BBS9: variants seen among roughly 807,000 people sequenced by gnomAD.
The protein encoded by BBS9 is protein PTHB1.
A neutral mutation model predicts 117.7 loss-of-function variants in BBS9; 89 were observed. The observed-to-expected ratio is 0.76, with a 90% CI of 0.64 to 0.90. The LOEUF (loss-of-function observed/expected upper bound fraction) is 0.90. Among genes scored for constraint, BBS9 ranks in the 40% least tolerant of loss-of-function variants. BBS9 has a pLI of 0.00. For missense variants in BBS9, 982 were observed against 1,042.2 expected (o/e 0.94, Z 0.80); for synonymous variants, 379 against 370.9 (o/e 1.02, Z -0.25).
chr7:33,209,527 C>A (rs1787612928), intron 5 of BBS9, among the ~76,000 whole-genome samples: 1 of 152,112 alleles, frequency 6.6e-6, no homozygotes, highest in African/African-American at 2.4e-5. Flanking sequence ...CCTCACTGTT[C>A]TTCACAGTGA....
At chr7:33,537,230 G>A (rs1473434760) in intron 21 of BBS9, among the ~76,000 whole-genome samples, 1 of 152,092 alleles carries the variant, frequency 6.6e-6, no homozygotes, top group African/African-American at 2.4e-5. Flanking sequence ...AAAAACCTTT[G>A]GTCTTTTCTA....
At chr7:33,131,200 C>T (rs1380252204) in intron 1 of BBS9, among the ~76,000 whole-genome samples, 1 of 152,196 alleles carries the variant, frequency 6.6e-6, no homozygotes, top group Non-Finnish European at 1.5e-5. Context: ...CTTTCAACTA[C>T]CACTACTACC....
At chr7:33,374,897 G>A (rs928298855) in intron 17 of BBS9, among the ~76,000 whole-genome samples, 31 of 99,584 alleles carry the variant, frequency 3.1e-4, no homozygotes, top group African/African-American at 1.2e-3. Flanking sequence ...GTGAAACTCC[G>A]TCTCAAAAAA....
At chr7:33,136,781 A>G (rs1437047775) in intron 1 of BBS9, among the ~76,000 whole-genome samples, 2 of 152,074 alleles carry the variant, frequency 1.3e-5, no homozygotes, top group Non-Finnish European at 2.9e-5. Flanking sequence ...ATATTGGTCT[A>G]TTGTTTTCTT....
intron 5 of BBS9, among the ~76,000 whole-genome samples, chr7:33,206,174 C>G (rs10272214): frequency 0.16 from 24,725 of 152,204 alleles, 2,300 homozygotes; most frequent in South Asian, 0.26. Context: ...AGTACTGTAT[C>G]AGTTAATGAC....
At chr7:33,241,231 A>T (rs1228418494) in intron 5 of BBS9, among the ~76,000 whole-genome samples, 2 of 152,118 alleles carry the variant, frequency 1.3e-5, no homozygotes, top group Admixed American at 1.3e-4. Flanking sequence ...CAAGGAGAAG[A>T]CTAGGTAGGC....
At chr7:33,324,624 G>A (rs1057469749) in intron 9 of BBS9, among the ~76,000 whole-genome samples, 4 of 144,878 alleles carry the variant, frequency 2.8e-5, no homozygotes, top group Non-Finnish European at 6.0e-5. Context: ...TTTCCAGATT[G>A]AAGAACTCCC....
intron 21 of BBS9, among the ~76,000 whole-genome samples, chr7:33,548,215 A>T (rs906502617): frequency 6.6e-6 from 1 of 152,204 alleles, no homozygotes; most frequent in Non-Finnish European, 1.5e-5. Flanking sequence ...ATTTGGGGAA[A>T]AAATCTGTCT....
chr7:33,269,839 A>G (rs1202367597), intron 7 of BBS9, among the ~76,000 whole-genome samples: 3 of 152,048 alleles, frequency 2.0e-5, no homozygotes, highest in Admixed American at 6.5e-5. Context: ...CCTGGCCAAC[A>G]TGGTGAAACC....
chr7:33,194,902 A>G (rs1448041140), intron 5 of BBS9, among the ~76,000 whole-genome samples: 1 of 152,142 alleles, frequency 6.6e-6, no homozygotes, highest in African/African-American at 2.4e-5. Flanking sequence ...GTGGTATTGC[A>G]TTTAGCCCAG....
At chr7:33,388,185 A>G in intron 19 of BBS9, 41 bp downstream of exon 19, 1 of 1,606,774 alleles carries the variant, frequency 6.2e-7, no homozygotes, top group East Asian at 2.2e-5. Context: ...TACTGGCTAT[A>G]CTTTTTTTTG....
At chr7:33,595,703 A>G (rs1028970895) in intron 21 of BBS9, among the ~76,000 whole-genome samples, 18 of 152,212 alleles carry the variant, frequency 1.2e-4, no homozygotes, top group Admixed American at 1.1e-3. Context: ...CCAAAGGAAT[A>G]TAAATCATTC....
intron 4 of BBS9, among the ~76,000 whole-genome samples, chr7:33,165,881 G>C (rs541426539): frequency 6.6e-6 from 1 of 152,094 alleles, no homozygotes; most frequent in African/African-American, 2.4e-5. Flanking sequence ...TCCGTTGCTG[G>C]CAAGGAGCTG....
chr7:33,303,580 G>A (rs1193399998), intron 9 of BBS9, among the ~76,000 whole-genome samples: 3 of 131,680 alleles, frequency 2.3e-5, no homozygotes, highest in African/African-American at 5.8e-5. Context: ...CTGTACTGCC[G>A]TGATCTCGGC....
chr7:33,458,757 A>T (rs1230091041), intron 19 of BBS9, among the ~76,000 whole-genome samples: 1 of 152,166 alleles, frequency 6.6e-6, no homozygotes, highest in Admixed American at 6.6e-5. Flanking sequence ...GATTCACTGG[A>T]ATAGGTGAAC....
At chr7:33,617,957 G>T (rs1865224004) in intron 21 of BBS9, among the ~76,000 whole-genome samples, 1 of 152,120 alleles carries the variant, frequency 6.6e-6, no homozygotes, top group South Asian at 2.1e-4. Context: ...GGGAGATAAG[G>T]ATGTTCCCAG....
At chr7:33,562,708 G>A (rs759919525) in intron 21 of BBS9, among the ~76,000 whole-genome samples, 1 of 152,174 alleles carries the variant, frequency 6.6e-6, no homozygotes, top group Non-Finnish European at 1.5e-5. Context: ...GGTGGACCAC[G>A]AGGTCAGGAG....
intron 21 of BBS9, among the ~76,000 whole-genome samples, chr7:33,554,632 C>T (rs1563352308): frequency 6.6e-6 from 1 of 152,090 alleles, no homozygotes; most frequent in East Asian, 1.9e-4. Flanking sequence ...ATCGAAGACT[C>T]AGTTTTGGCT....
chr7:33,607,583 A>C (rs1024399135), downstream of BBS9, among the ~76,000 whole-genome samples: 2 of 152,096 alleles, frequency 1.3e-5, no homozygotes, highest in Non-Finnish European at 2.9e-5. Context: ...TATATTAACT[A>C]CTTGATATAC....
Sources: gnomAD v4.1 joint callset for allele counts (sites outside exome capture counted in the v4.1 genomes callset) on GRCh38, gnomAD v4.1.1 for gene constraint, MANE v1.5 for transcripts, NCBI Gene and HGNC (gene_info 2026-07-23, HGNC 2026-07-21) for gene names.